The following MYO9B variants were observed in gnomAD, a reference collection of about 807,000 sequenced individuals.
MYO9B encodes myosin IXB.
In MYO9B, 71 loss-of-function variants were observed where a neutral mutation model predicts 229.5. That is an observed-to-expected ratio of 0.31 (90% CI 0.26 to 0.38). The LOEUF (loss-of-function observed/expected upper bound fraction) is 0.38, where lower values mean the gene tolerates loss of function less well. Among genes scored for constraint, MYO9B ranks in the 10% least tolerant of loss-of-function variants. MYO9B has a pLI of 1.00. For synonymous variants in MYO9B, 1,185 were observed against 1,235.8 expected, an observed-to-expected ratio of 0.96 and a Z score of 0.86; for missense variants, 2,255 against 2,920.5, an observed-to-expected ratio of 0.77 and a Z score of 5.25.
intron 7 of MYO9B, among the ~76,000 whole-genome samples, chr19:17,159,062 C>T (rs775678957): frequency 7.2e-5 from 11 of 151,988 alleles, no homozygotes; most frequent in Admixed American, 2.0e-4. Context: ...GGTGTGGTGA[C>T]GGGTGCCTGT....
intron 1 of MYO9B, among the ~76,000 whole-genome samples, chr19:17,091,417 C>G (rs151155602): frequency 1.3e-5 from 2 of 152,182 alleles, no homozygotes; most frequent in African/African-American, 4.8e-5. Context: ...ATAGAGATGG[C>G]GTCTTGTGGC....
At chr19:17,200,598 C>A (rs781621947) in intron 25 of MYO9B, 41 bp from the exon 26 acceptor site, 1 of 1,572,758 alleles carries the variant, frequency 6.4e-7, no homozygotes, top group Admixed American at 1.9e-5. Context: ...GCATCCTCCC[C>A]CTGAACCCAC....
intron 2 of MYO9B, among the ~76,000 whole-genome samples, chr19:17,129,038 G>T (rs568698925): frequency 1.4e-4 from 22 of 152,150 alleles, no homozygotes; most frequent in East Asian, 3.9e-4. Context: ...GAAGTTCTGC[G>T]TGGCTCATGG....
intron 11 of MYO9B, among the ~76,000 whole-genome samples, chr19:17,169,371 C>CAAAA (rs58898086): frequency 4.2e-4 from 37 of 88,820 alleles, no homozygotes; most frequent in Non-Finnish European, 5.3e-4. Context: ...GACTCTGTCT[C>CAAAA]AAAAAAAAAA....
intron 2 of MYO9B, among the ~76,000 whole-genome samples, chr19:17,142,924 T>C (rs1337043517): frequency 2.0e-5 from 3 of 152,188 alleles, no homozygotes; most frequent in African/African-American, 4.8e-5. Context: ...GCAATTGCCA[T>C]TTTTAATGTC....
chr19:17,202,328 C>CACCTGTGACATGCCACGCCT (rs1220820406), intron 28 of MYO9B, 25 bp downstream of exon 28: 3 of 1,543,788 alleles, frequency 1.9e-6, no homozygotes, highest in Non-Finnish European at 2.6e-6. Context: ...ATGCCACGCC[C>CACCTGTGACATGCCACGCCT]ACCTGTGACA....
At position 17,198,280 on chromosome 19, in the gene MYO9B, C is replaced by G. The variant is rs779794376; in HGVS notation, c.4210C>G (p.Leu1404Val). The G allele has an allele frequency of 6.2e-7, 1 of 1,613,942 alleles. No individual in the cohort carries two copies. The highest frequency in any genetic ancestry group is 1.1e-5 in the South Asian group (1 of 91,082). Residue 1404 changes from leucine to valine, a missense_variant, in exon 24 of 40, where the codon CTG (leucine) becomes GTG (valine). Around this residue, in one of 7 missense-constraint regions of MYO9B, gnomAD observed 679 missense variants for 770.2 expected, o/e 0.88. Coordinates refer to ENST00000682292, the MANE Select transcript of MYO9B (RefSeq NM_004145.4). ...GDASSLPDAGLSPGSQVDSKS... is the reference protein window; with the variant it reads ...GDASSLPDAGVSPGSQVDSKS... ...CGCATCCTCCCTCCCAGACGCAGGG[C>G]TGTCCCCGGGCTCTCAGGTCGACTC...
intron 10 of MYO9B, among the ~76,000 whole-genome samples, chr19:17,165,729 C>T (rs553092421): frequency 3.2e-4 from 49 of 152,196 alleles, no homozygotes; most frequent in Non-Finnish European, 5.9e-4. Flanking sequence ...GAGCTGTGAT[C>T]GCACCGCTGC....
At chr19:17,098,106 A>T (rs960981288) in intron 1 of MYO9B, among the ~76,000 whole-genome samples, 1 of 147,936 alleles carries the variant, frequency 6.8e-6, no homozygotes, top group Non-Finnish European at 1.5e-5. Context: ...CCAGGCCAGA[A>T]TGCAGTGGCA....
At position 17,172,949 on chromosome 19, in the gene MYO9B, C is replaced by T. The variant is rs1416459109; in HGVS notation, c.2126C>T (p.Ala709Val). 2.5e-6 allele frequency: 4 copies of T among 1,598,058 alleles called. No individual in the cohort carries two copies. Among genetic ancestry groups the T allele is most frequent in the Non-Finnish European group, 3.4e-6 (4 of 1,179,436 alleles). ...REAGRLRAER[A>V]EKAAGMSSPG... ...GCCGGACGCCTGCGGGCCGAGAGGGCCGAAAAGGCTGCAGGTGGGAGCTGG... is the reference window on the plus strand; with the variant it reads ...GCCGGACGCCTGCGGGCCGAGAGGGTCGAAAAGGCTGCAGGTGGGAGCTGG... The change falls in exon 13 of 40, where the codon GCC (alanine) becomes GTC (valine). Residue 709 changes from alanine (A) to valine (V), a missense_variant. By Grantham distance (64) the Ala-to-Val change is moderately conservative. Around this residue, in one of 7 missense-constraint regions of MYO9B, gnomAD observed 155 missense variants for 159.1 expected, o/e 0.97. Coordinates refer to ENST00000682292, the MANE Select transcript of MYO9B (RefSeq NM_004145.4). This position sits in a 1 kb window ranked among gnomAD's most constrained non-coding sequence, Gnocchi z 8.2.
chr19:17,115,593 C>T lies in MYO9B; in HGVS notation c.840+13036C>T, dbSNP rs145093969. Reference sequence around the variant, plus strand: ...AAGCAATTCTCCTGCTTCAGCCTCCCGAGTAGTTGGTATTACAGGCGCCCA... The same window carrying T: ...AAGCAATTCTCCTGCTTCAGCCTCCTGAGTAGTTGGTATTACAGGCGCCCA... On this transcript the variant is annotated intron_variant, in intron 2 of 39. Transcript: ENST00000682292. 5.3e-3 allele frequency among the ~76,000 whole-genome samples: 806 copies of T among 151,702 alleles called. 7 individuals are homozygous for T. In the Middle Eastern group the frequency reaches 0.061, roughly 12 times the overall value.
chr19:17,124,759 CAA>C (rs35063637), intron 2 of MYO9B, among the ~76,000 whole-genome samples: 35 of 79,114 alleles, frequency 4.4e-4, no homozygotes, highest in Middle Eastern at 7.5e-3. Context: ...GACTCTGTCT[CAA>C]AAAAAAAAAA....
chr19:17,136,858 G>C (rs2145197778), intron 2 of MYO9B, among the ~76,000 whole-genome samples: 1 of 152,310 alleles, frequency 6.6e-6, no homozygotes, highest in African/African-American at 2.4e-5. Flanking sequence ...TTGGGAGGCT[G>C]AGATGGAAGG....
chr19:17,104,341 C>T (rs1055679809), intron 2 of MYO9B, among the ~76,000 whole-genome samples: 4 of 152,100 alleles, frequency 2.6e-5, no homozygotes, highest in African/African-American at 9.7e-5. Flanking sequence ...TGCCTCATGC[C>T]CTCTGCCCAC....
In MYO9B at chr19:17,163,542, A is replaced by AT. The variant is rs200436374; in HGVS notation, c.1671+426dup. Among the ~76,000 whole-genome samples, 738 of 151,548 alleles carry AT rather than the reference A, an allele frequency of 4.9e-3. 2 individuals carry two copies. Among genetic ancestry groups the AT allele is most frequent in the African/African-American group, 0.017 (714 of 41,274 alleles). On this transcript the variant is annotated intron_variant, in intron 10 of 39. Coordinates refer to ENST00000682292, the MANE Select transcript of MYO9B (RefSeq NM_004145.4). ...ACTACCATGCCTGGCTAATTTTTGT[A>AT]TTTTTTGTAGAGACAAGGTTTTGCC... is the stretch of plus-strand genomic sequence containing the variant.
intron 22 of MYO9B, among the ~76,000 whole-genome samples, chr19:17,197,276 TAAA>T (rs34646423): frequency 7.2e-6 from 1 of 139,446 alleles, no homozygotes; most frequent in Non-Finnish European, 1.6e-5. Context: ...AAACTCCGTC[TAAA>T]AAAAAAAAAA....
rs952752511 is a variant in MYO9B at position 17,157,326 on chromosome 19, G to A, written c.1329+288G>A. 9.5e-6 allele frequency: 3 copies of A among 315,686 alleles called. No individual in the cohort carries two copies. The South Asian group carries it at 1.4e-4, about 14-fold the overall frequency. The allele number at this position is 315,686 out of a possible 1,614,324, so 19.6% of individuals were successfully genotyped here. On this transcript the variant is annotated intron_variant, in intron 7 of 39. Coordinates refer to ENST00000682292, the MANE Select transcript of MYO9B (RefSeq NM_004145.4). The stretch of plus-strand genomic sequence containing the variant: ...TCCCAGTACTTTGGGAGGCCAAGGT[G>A]GGCGGATGACCTGAGGTCAGGAGTT...
In MYO9B at chr19:17,210,332, G is replaced by A; in HGVS notation, c.5749-1G>A. Reference sequence around the variant, plus strand: ...TCACCCTGTGTTCATCTCTCTCCCAGCCATGGCCTCTCAAACTGGGGTTTT... The same window carrying A: ...TCACCCTGTGTTCATCTCTCTCCCAACCATGGCCTCTCAAACTGGGGTTTT... On this transcript the variant is annotated splice_acceptor_variant, in intron 36 of 39. Transcript: ENST00000682292. LOFTEE classifies it high-confidence loss of function. The A allele has an allele frequency of 6.3e-7, 1 of 1,597,202 alleles. No individual in the cohort carries two copies.
intron 1 of MYO9B, among the ~76,000 whole-genome samples, chr19:17,091,022 C>T (rs566808516): frequency 7.9e-5 from 12 of 152,228 alleles, no homozygotes; most frequent in South Asian, 2.1e-4. Flanking sequence ...TGAGCCCTGC[C>T]GAGTGAGAAC....
Sources: gnomAD v4.1 joint callset for allele counts (sites outside exome capture counted in the v4.1 genomes callset) on GRCh38, gnomAD v4.1.1 for gene constraint, gnomAD v4.1.1 regional missense constraint, Gnocchi (gnomAD v3.1) non-coding constraint, MANE v1.5 for transcripts, NCBI Gene and HGNC (gene_info 2026-07-23, HGNC 2026-07-21) for gene names.